Variants in DCUN1D4 observed in about 807,000 individuals in gnomAD.
DCUN1D4 encodes DCN1-like protein 4.
DCUN1D4 carries 22 observed loss-of-function variants against 47.9 expected under a neutral mutation model. That is an observed-to-expected ratio of 0.46 (90% CI 0.33 to 0.66). The LOEUF (loss-of-function observed/expected upper bound fraction) is 0.66, where lower values mean the gene tolerates loss of function less well. Ranked by LOEUF, DCUN1D4 falls within the 30% of genes least tolerant of loss-of-function variation. The pLI, the probability that DCUN1D4 is intolerant of heterozygous loss-of-function variation, is 0.02. For missense variants in DCUN1D4, 301 were observed against 340.8 expected (o/e 0.88, Z 0.92); for synonymous variants, 121 against 112.2 (o/e 1.08, Z -0.50).
At chr4:51,856,976 C>G (rs1724237714) in intron 1 of DCUN1D4, among the ~76,000 whole-genome samples, 1 of 152,150 alleles carries the variant, frequency 6.6e-6, no homozygotes. Context: ...AAGCATCTGG[C>G]CTCGTCTTCA....
chr4:51,873,312 T>A (rs73144429), intron 3 of DCUN1D4, among the ~76,000 whole-genome samples: 192 of 152,308 alleles, frequency 1.3e-3, no homozygotes, highest in African/African-American at 4.5e-3. Context: ...AATAATTATC[T>A]TTGCCCTGCC....
intron 6 of DCUN1D4, among the ~76,000 whole-genome samples, chr4:51,887,503 A>G (rs1182160234): frequency 6.6e-6 from 1 of 152,166 alleles, no homozygotes; most frequent in Non-Finnish European, 1.5e-5. Flanking sequence ...GTTATTGTTG[A>G]ATATTTTTTC....
At chr4:51,856,566 A>G (rs1382037144) in intron 1 of DCUN1D4, among the ~76,000 whole-genome samples, 1 of 152,276 alleles carries the variant, frequency 6.6e-6, no homozygotes, top group South Asian at 2.1e-4. Flanking sequence ...AGTTAGATTG[A>G]TATTTTTGCT....
intron 3 of DCUN1D4, 43 bp downstream of exon 3, chr4:51,863,752 T>G: frequency 6.4e-7 from 1 of 1,569,678 alleles, no homozygotes; most frequent in Middle Eastern, 1.7e-4. Context: ...AATAGCTTCT[T>G]AATATTAGGA....
chr4:51,854,586 G>A (rs950364042), intron 1 of DCUN1D4, among the ~76,000 whole-genome samples: 9 of 152,242 alleles, frequency 5.9e-5, no homozygotes, highest in African/African-American at 1.4e-4. Flanking sequence ...CCCTTTAATA[G>A]CCAACTTATT....
chr4:51,896,462 T>C (rs1283203265), intron 7 of DCUN1D4, among the ~76,000 whole-genome samples: 1 of 152,198 alleles, frequency 6.6e-6, no homozygotes, highest in African/African-American at 2.4e-5. Context: ...CAGTCAAATC[T>C]ATGGCTTTGG....
chr4:51,873,088 G>T (rs988662159), intron 3 of DCUN1D4, among the ~76,000 whole-genome samples: 1 of 152,188 alleles, frequency 6.6e-6, no homozygotes, highest in Non-Finnish European at 1.5e-5. Context: ...CATAGGTGAA[G>T]AACTGGAACT....
At chr4:51,844,423 C>A (rs1288902053) in intron 1 of DCUN1D4, 13 of 981,192 alleles carry the variant, frequency 1.3e-5, no homozygotes, top group Non-Finnish European at 1.6e-5. Context: ...CGGGCTCCGG[C>A]AGCGGGACTA....
chr4:51,842,963 T>C (rs372852238), upstream of DCUN1D4: 3 of 975,892 alleles, frequency 3.1e-6, no homozygotes, highest in Non-Finnish European at 4.0e-6. Context: ...GCCAGGGGCG[T>C]TACGGAGACA....
chr4:51,913,107 A>G (rs1733946518), intron 9 of DCUN1D4, among the ~76,000 whole-genome samples, 183 bp from the exon 10 acceptor site: 2 of 152,088 alleles, frequency 1.3e-5, no homozygotes, highest in East Asian at 1.9e-4. Flanking sequence ...TGTAATGACA[A>G]TTGTCATCTT....
chr4:51,882,958 C>T (rs1018906807), intron 5 of DCUN1D4, among the ~76,000 whole-genome samples: 1 of 151,890 alleles, frequency 6.6e-6, no homozygotes, highest in Non-Finnish European at 1.5e-5. Flanking sequence ...AAAAAAACAC[C>T]CTTAACAAAA....
At chr4:51,873,787 C>T (rs1455056889) in intron 3 of DCUN1D4, among the ~76,000 whole-genome samples, 2 of 152,140 alleles carry the variant, frequency 1.3e-5, no homozygotes, top group African/African-American at 2.4e-5. Flanking sequence ...CAGACTTCTG[C>T]TTAAAAAACC....
At chr4:51,849,667 C>T (rs1270621230) in intron 1 of DCUN1D4, among the ~76,000 whole-genome samples, 1 of 152,108 alleles carries the variant, frequency 6.6e-6, no homozygotes, top group Non-Finnish European at 1.5e-5. Context: ...GCAGGACTCC[C>T]GAACCACACA....
upstream of DCUN1D4, among the ~76,000 whole-genome samples, chr4:51,838,917 A>G (rs111949202): frequency 0.022 from 3,351 of 152,194 alleles, 64 homozygotes; most frequent in Non-Finnish European, 0.031. Flanking sequence ...TCTACTAAAA[A>G]CACAACAATT....
At chr4:51,910,689 A>G (rs1254308031) in intron 8 of DCUN1D4, 1 of 202,482 alleles carries the variant, frequency 4.9e-6, no homozygotes, top group Non-Finnish European at 9.8e-6. Context: ...CCGTTGAGTT[A>G]TAGGCTTTAT....
the DCUN1D4 span, among the ~76,000 whole-genome samples, chr4:51,837,605 A>T: frequency 3.0e-4 from 38 of 126,934 alleles, no homozygotes; most frequent in Middle Eastern, 4.6e-3. Flanking sequence ...CAGTGAGCGG[A>T]GATCGCGCCA....
Position 51,882,946 on chromosome 4 carries a change from T to TA in DCUN1D4, c.344-3614dup, listed in dbSNP as rs544241490. On this transcript the variant is annotated intron_variant, in intron 5 of 10. Transcript: ENST00000334635. ...TAGATACCAAAAAGTATCTGTTGCT[T>TA]AAAAAAAACACCCTTAACAAAATAG... Among the ~76,000 whole-genome samples, 13 of 151,870 alleles carry TA rather than the reference T, an allele frequency of 8.6e-5. No individual in the cohort carries two copies. The South Asian group carries it at 1.7e-3, about 19-fold the overall frequency.
chr4:51,843,193 G>C lies in DCUN1D4; in HGVS notation c.-50G>C. ...TGCAGTGAGCTGGTGGGGGGACCGC[G>C]AGGCGAGCGCGGGAGCCTGGGCGGC... On this transcript the variant is annotated 5_prime_UTR_variant, in exon 1 of 11. Transcript: ENST00000334635. The C allele has an allele frequency of 6.5e-7, 1 of 1,536,962 alleles. No homozygotes were observed. Among genetic ancestry groups the C allele is most frequent in the South Asian group, 1.2e-5 (1 of 82,600 alleles).
At chr4:51,896,882 A>C (rs1038540865) in intron 7 of DCUN1D4, among the ~76,000 whole-genome samples, 1 of 151,910 alleles carries the variant, frequency 6.6e-6, no homozygotes, top group Admixed American at 6.6e-5. Flanking sequence ...AATTTTAAAA[A>C]CCCTCACTGT....
Sources: gnomAD v4.1 joint callset for allele counts (sites outside exome capture counted in the v4.1 genomes callset) on GRCh38, gnomAD v4.1.1 for gene constraint, MANE v1.5 for transcripts, NCBI Gene and HGNC (gene_info 2026-07-23, HGNC 2026-07-21) for gene names.